Variants in SLC10A7 observed in about 807,000 individuals in gnomAD.
SLC10A7 encodes solute carrier family 10 member 7.
Under a neutral mutation model 43.2 loss-of-function variants are expected in SLC10A7, and 29 were observed. That is an observed-to-expected ratio of 0.67 (90% CI 0.50 to 0.92). SLC10A7 has a LOEUF of 0.92. Among genes scored for constraint, SLC10A7 ranks in the 40% least tolerant of loss-of-function variants. The pLI is 0.00. For synonymous variants in SLC10A7, 152 were observed against 144.8 expected (o/e 1.05, Z -0.35); for missense variants, 295 against 403.2 (o/e 0.73, Z 2.30).
At chr4:146,485,047 C>T (rs1198428911) in intron 4 of SLC10A7, among the ~76,000 whole-genome samples, 3 of 152,300 alleles carry the variant, frequency 2.0e-5, no homozygotes, top group African/African-American at 7.2e-5. Flanking sequence ...TTTCTACTAT[C>T]CCACCTCATC....
chr4:146,329,292 G>C (rs545669870), intron 5 of SLC10A7, among the ~76,000 whole-genome samples: 1 of 152,320 alleles, frequency 6.6e-6, no homozygotes, highest in South Asian at 2.1e-4. Flanking sequence ...ATTAGGAAGT[G>C]AGTCAGCCAG....
At chr4:146,346,889 C>T (rs1225950820) in intron 5 of SLC10A7, among the ~76,000 whole-genome samples, 2 of 151,850 alleles carry the variant, frequency 1.3e-5, no homozygotes, top group Admixed American at 1.3e-4. Flanking sequence ...TTTTTGGATA[C>T]CTACTCTATG....
chr4:146,420,534 A>C (rs1259902123), intron 5 of SLC10A7, among the ~76,000 whole-genome samples: 1 of 152,204 alleles, frequency 6.6e-6, no homozygotes, highest in East Asian at 1.9e-4. Context: ...TGAGAGGAAG[A>C]AAGTGGATGG....
intron 5 of SLC10A7, among the ~76,000 whole-genome samples, chr4:146,397,025 A>G (rs1487632711): frequency 6.6e-6 from 1 of 152,178 alleles, no homozygotes; most frequent in Non-Finnish European, 1.5e-5. Context: ...CAAATTCCAT[A>G]ACATTTGATT....
intron 5 of SLC10A7, among the ~76,000 whole-genome samples, chr4:146,387,102 G>T (rs193033508): frequency 6.6e-4 from 100 of 152,294 alleles, no homozygotes; most frequent in Non-Finnish European, 1.2e-3. Flanking sequence ...GTATTTGGAG[G>T]TGGGACTTTT....
intron 5 of SLC10A7, among the ~76,000 whole-genome samples, chr4:146,440,021 C>A (rs1308690649): frequency 2.0e-5 from 3 of 152,170 alleles, no homozygotes; most frequent in South Asian, 2.1e-4. Flanking sequence ...TGAGATGAAT[C>A]TCTTTCTTCA....
At chr4:146,405,399 C>T (rs1727599226) in intron 5 of SLC10A7, among the ~76,000 whole-genome samples, 1 of 152,110 alleles carries the variant, frequency 6.6e-6, no homozygotes, top group Admixed American at 6.5e-5. Flanking sequence ...ATGAAATTTA[C>T]TGAGAAAACC....
chr4:146,268,315 C>T (rs1024072067), intron 10 of SLC10A7, among the ~76,000 whole-genome samples: 1 of 152,044 alleles, frequency 6.6e-6, no homozygotes, highest in Admixed American at 6.6e-5. Flanking sequence ...AAATATTCCT[C>T]TATCCAAAAA....
At chr4:146,478,388 G>T (rs1734206826) in intron 4 of SLC10A7, 1 of 152,278 alleles carries the variant, frequency 6.6e-6, no homozygotes, top group African/African-American at 2.4e-5. Flanking sequence ...TTCTACAGGG[G>T]TCTTAGGAGC....
At chr4:146,484,908 T>C (rs1336236245) in intron 4 of SLC10A7, among the ~76,000 whole-genome samples, 1 of 152,230 alleles carries the variant, frequency 6.6e-6, no homozygotes, top group Non-Finnish European at 1.5e-5. Flanking sequence ...TTCCTTTATT[T>C]CCTTAAATAT....
intron 4 of SLC10A7, chr4:146,478,022 T>C (rs898242783): frequency 6.6e-6 from 1 of 152,178 alleles, no homozygotes; most frequent in African/African-American, 2.4e-5. Flanking sequence ...AAAGAAAACA[T>C]ATCAAAACAG....
chr4:146,325,724 T>C (rs1022998647), intron 6 of SLC10A7, among the ~76,000 whole-genome samples: 1 of 152,204 alleles, frequency 6.6e-6, no homozygotes, highest in Non-Finnish European at 1.5e-5. Context: ...ATTTGTAATA[T>C]AATGATTTAG....
chr4:146,475,798 T>C (rs1196962994), intron 4 of SLC10A7, among the ~76,000 whole-genome samples: 1 of 152,224 alleles, frequency 6.6e-6, no homozygotes, highest in Non-Finnish European at 1.5e-5. Context: ...TTTAAGACTG[T>C]ATACACAACC....
chr4:146,290,261 T>G (rs1730344999), intron 9 of SLC10A7, among the ~76,000 whole-genome samples: 1 of 147,636 alleles, frequency 6.8e-6, no homozygotes, highest in African/African-American at 2.5e-5. Context: ...GAGGCGGAGC[T>G]TGCAGTGAAC....
intron 5 of SLC10A7, among the ~76,000 whole-genome samples, chr4:146,405,108 T>C (rs1727573636): frequency 1.3e-5 from 2 of 152,198 alleles, no homozygotes; most frequent in African/African-American, 2.4e-5. Flanking sequence ...TTTCACTGGT[T>C]ATGAAATAAA....
chr4:146,421,110 T>C (rs532832774), intron 5 of SLC10A7, among the ~76,000 whole-genome samples: 2 of 152,186 alleles, frequency 1.3e-5, no homozygotes, highest in South Asian at 2.1e-4. Flanking sequence ...GCACCTACCA[T>C]TTATGAATGC....
At position 146,396,872 on chromosome 4, in the gene SLC10A7, G is replaced by A. The variant is rs965138752; in HGVS notation, c.435+45911C>T. On this transcript the variant is annotated intron_variant, in intron 5 of 11. Coordinates refer to ENST00000335472, the MANE Select transcript of SLC10A7 (RefSeq NM_001029998.6). ...TACAATATGTTTAAACCCATACAAA[G>A]AAAAGTCACCAAGATTTAAACACAA... 5.1e-4 allele frequency among the ~76,000 whole-genome samples: 75 copies of A among 148,282 alleles called. 2 individuals are homozygous for A. The highest frequency in any genetic ancestry group is 3.0e-3 in the Admixed American group (44 of 14,880).
chr4:146,476,231 T>C (rs1734018608), intron 4 of SLC10A7, among the ~76,000 whole-genome samples: 1 of 152,196 alleles, frequency 6.6e-6, no homozygotes, highest in Admixed American at 6.5e-5. Context: ...TTAAATTTGA[T>C]AATACCTATT....
intron 4 of SLC10A7, among the ~76,000 whole-genome samples, chr4:146,483,457 A>T (rs1373083542): frequency 6.6e-6 from 1 of 152,156 alleles, no homozygotes; most frequent in African/African-American, 2.4e-5. Context: ...ACACAAAAAA[A>T]AAACCCTACA....
Sources: gnomAD v4.1 joint callset for allele counts (sites outside exome capture counted in the v4.1 genomes callset) on GRCh38, gnomAD v4.1.1 for gene constraint, MANE v1.5 for transcripts, NCBI Gene and HGNC (gene_info 2026-07-23, HGNC 2026-07-21) for gene names.